CYS1: variants seen among roughly 807,000 people sequenced by gnomAD.
CYS1 encodes the protein cystin 1.
A neutral mutation model predicts 9.6 loss-of-function variants in CYS1; 5 were observed. The ratio of observed to expected loss-of-function variants is 0.52; its 90% CI spans 0.27 to 1.10. The LOEUF (loss-of-function observed/expected upper bound fraction) is 1.10. CYS1 is among the 50% of genes least tolerant of loss of function. The pLI is 0.11. For synonymous variants in CYS1, 88 were observed against 95.7 expected, an observed-to-expected ratio of 0.92 and a Z score of 0.47; for missense variants, 221 against 207.9, an observed-to-expected ratio of 1.06 and a Z score of -0.39.
intron 1 of CYS1, 75 bp from the exon 2 acceptor site, chr2:10,066,031 G>T: frequency 6.5e-7 from 1 of 1,546,304 alleles, no homozygotes; most frequent in Non-Finnish European, 8.9e-7. Context: ...GGCTTTGTGT[G>T]GACAGACGAT....
At chr2:10,061,004 G>T (rs1446554052) in intron 2 of CYS1, among the ~76,000 whole-genome samples, 1 of 152,192 alleles carries the variant, frequency 6.6e-6, no homozygotes, top group African/African-American at 2.4e-5. Context: ...GCCGAGGCAG[G>T]TGGATTGCTT....
intron 1 of CYS1, among the ~76,000 whole-genome samples, chr2:10,067,532 C>T (rs749973470): frequency 1.3e-5 from 2 of 150,890 alleles, no homozygotes; most frequent in Non-Finnish European, 2.9e-5. Context: ...GTCAGCCTCT[C>T]GTGTAGCTGG....
rs1037816200 is a variant in CYS1, at chr2:10,063,909, G to A, written c.371+1995C>T. Among the ~76,000 whole-genome samples the A allele has an allele frequency of 2.0e-5, 3 of 152,214 alleles. No homozygotes were observed. The highest frequency in any genetic ancestry group is 2.9e-5 in the Non-Finnish European group (2 of 68,040). ...CTCCTACGCCTAGGGCAGCACTCAG[G>A]GAGGCTCCCATTAAAGTATACTGAA... On this transcript the variant is annotated intron_variant, in intron 2 of 2. Transcript: ENST00000381813. This position sits in a 1 kb window ranked among gnomAD's most constrained non-coding sequence, Gnocchi z 4.2.
At chr2:10,060,313 TG>T (rs892194110) in intron 2 of CYS1, among the ~76,000 whole-genome samples, 18 of 152,202 alleles carry the variant, frequency 1.2e-4, no homozygotes, top group Non-Finnish European at 2.4e-4. Context: ...TCTGCGAGCT[TG>T]GGGGGCTGGG....
chr2:10,068,947 A>G (rs1661730268), intron 1 of CYS1, among the ~76,000 whole-genome samples: 1 of 152,142 alleles, frequency 6.6e-6, no homozygotes, highest in African/African-American at 2.4e-5. Context: ...CTCTAATCCC[A>G]GCTACTGGGG....
rs1336918367 is a variant in CYS1 at position 10,076,656 on chromosome 2, G to C, written c.318+3250C>G. 1.3e-5 allele frequency among the ~76,000 whole-genome samples: 2 copies of C among 151,948 alleles called. No homozygotes were observed. Among genetic ancestry groups the C allele is most frequent in the Non-Finnish European group, 2.9e-5 (2 of 68,016 alleles). Reference sequence around the variant, plus strand: ...TTCTCTTGGTTTTCTCCCCTTTACTGGCTGTTCTTTAGGATGCCTCTATCT... The same window carrying C: ...TTCTCTTGGTTTTCTCCCCTTTACTCGCTGTTCTTTAGGATGCCTCTATCT... On this transcript the variant is annotated intron_variant, in intron 1 of 2. Coordinates refer to ENST00000381813, the MANE Select transcript of CYS1 (RefSeq NM_001037160.3). The surrounding 1 kb of genome is among the most constrained non-coding windows in gnomAD (Gnocchi z 4.3).
chr2:10,074,797 A>G (rs1661819932), intron 1 of CYS1, among the ~76,000 whole-genome samples: 1 of 152,222 alleles, frequency 6.6e-6, no homozygotes, highest in Non-Finnish European at 1.5e-5. Flanking sequence ...GCTGAATGGC[A>G]CATAAACTCC....
intron 2 of CYS1, among the ~76,000 whole-genome samples, chr2:10,060,848 C>A (rs1254887289): frequency 1.3e-5 from 2 of 152,228 alleles, no homozygotes; most frequent in Non-Finnish European, 2.9e-5. Flanking sequence ...GAGGGCTGGA[C>A]CAGGCGCCAT....
At chr2:10,059,997 G>A (rs777838090) in intron 2 of CYS1, among the ~76,000 whole-genome samples, 14 of 152,262 alleles carry the variant, frequency 9.2e-5, no homozygotes, top group Non-Finnish European at 1.6e-4. Flanking sequence ...GACTGCCCCC[G>A]GACCTGCCAC....
intron 1 of CYS1, among the ~76,000 whole-genome samples, chr2:10,067,382 T>A (rs941165095): frequency 1.3e-5 from 2 of 150,414 alleles, no homozygotes; most frequent in Non-Finnish European, 2.9e-5. Context: ...GACTGAGATA[T>A]ATACATTTTA....
chr2:10,066,517 G>C (rs1200702280), intron 1 of CYS1, among the ~76,000 whole-genome samples: 1 of 152,246 alleles, frequency 6.6e-6, no homozygotes, highest in African/African-American at 2.4e-5. Context: ...TGTCTACACA[G>C]CATGTGGCTG....
chr2:10,058,888 GC>G lies in CYS1; in HGVS notation c.441del (p.Leu148Ter), dbSNP rs775816091. On this transcript the variant is annotated frameshift_variant, in exon 3 of 3. Transcript: ENST00000381813. LOFTEE classifies it high-confidence loss of function. ...TACTCCCGCTCGATGCTCGCCATCAGCCCCTCTTCCGAGTGGTCGTAGGAGA... is the reference window on the plus strand; with the variant it reads ...TACTCCCGCTCGATGCTCGCCATCAGCCCTCTTCCGAGTGGTCGTAGGAGA... The part of the protein sequence containing the change: ...AAISYDHSEE[G>X]LMASIEREYC... The G allele has an allele frequency of 1.3e-6, 2 of 1,594,430 alleles. No homozygotes were observed. Among genetic ancestry groups the G allele is most frequent in the Non-Finnish European group, 1.7e-6 (2 of 1,171,224 alleles).
chr2:10,068,764 G>A (rs1023055216), intron 1 of CYS1, among the ~76,000 whole-genome samples: 1 of 152,132 alleles, frequency 6.6e-6, no homozygotes, highest in Non-Finnish European at 1.5e-5. Flanking sequence ...AAGGGGGAGG[G>A]CACATGAAAG....
intron 1 of CYS1, among the ~76,000 whole-genome samples, chr2:10,078,137 TA>T (rs1477250663): frequency 7.3e-5 from 11 of 150,714 alleles, no homozygotes; most frequent in Admixed American, 5.3e-4. Flanking sequence ...AGAAAAAAGA[TA>T]CACACAGTTC....
At chr2:10,072,246 C>T (rs1661777462) in intron 1 of CYS1, among the ~76,000 whole-genome samples, 3 of 152,152 alleles carry the variant, frequency 2.0e-5, no homozygotes, top group Admixed American at 2.0e-4. Context: ...CCACACCTGG[C>T]TAATTTTTGT....
intron 1 of CYS1, among the ~76,000 whole-genome samples, chr2:10,067,429 A>C (rs1661713716): frequency 7.8e-6 from 1 of 128,384 alleles, no homozygotes; most frequent in African/African-American, 2.9e-5. Flanking sequence ...TTTTTTTGAG[A>C]CAGGGTCTTG....
intron 1 of CYS1, among the ~76,000 whole-genome samples, chr2:10,077,037 C>A (rs1035041459): frequency 1.3e-5 from 2 of 152,158 alleles, no homozygotes; most frequent in Admixed American, 6.5e-5. Context: ...TGTCTGTTCA[C>A]GGCAGCTACA....
chr2:10,065,822 G>T, intron 2 of CYS1, 82 bp downstream of exon 2: 3 of 1,387,622 alleles, frequency 2.2e-6, no homozygotes, highest in Non-Finnish European at 2.0e-6. Flanking sequence ...GGAAAGTGGG[G>T]GACAGGAGGG....
intron 1 of CYS1, among the ~76,000 whole-genome samples, chr2:10,074,450 C>T (rs1200446052): frequency 6.6e-6 from 1 of 152,106 alleles, no homozygotes; most frequent in Non-Finnish European, 1.5e-5. Context: ...CATGCAGTCT[C>T]CCCCAGTACA....
Sources: gnomAD v4.1 joint callset for allele counts (sites outside exome capture counted in the v4.1 genomes callset) on GRCh38, gnomAD v4.1.1 for gene constraint, Gnocchi (gnomAD v3.1) non-coding constraint, MANE v1.5 for transcripts, NCBI Gene and HGNC (gene_info 2026-07-23, HGNC 2026-07-21) for gene names.